Variants in HIP1 observed in about 807,000 individuals in gnomAD.
HIP1 encodes huntingtin interacting protein 1, also known as huntingtin-interacting protein 1.
HIP1 carries 65 observed loss-of-function variants against 147.6 expected under a neutral mutation model. The observed-to-expected ratio is 0.44, with a 90% CI of 0.36 to 0.54. The LOEUF (loss-of-function observed/expected upper bound fraction) is 0.54. Among genes scored for constraint, HIP1 ranks in the 20% least tolerant of loss-of-function variants. The pLI is 0.00. For synonymous variants in HIP1, 479 were observed against 504.0 expected (o/e 0.95, Z 0.67); for missense variants, 1,061 against 1,299.6 (o/e 0.82, Z 2.82).
At chr7:75,574,854 T>A (rs368375605) in intron 7 of HIP1, among the ~76,000 whole-genome samples, 24 of 152,192 alleles carry the variant, frequency 1.6e-4, no homozygotes, top group African/African-American at 4.8e-4. Flanking sequence ...CTTCATTTTT[T>A]TCCTCTTTAC....
chr7:75,660,387 C>T (rs1799274187), intron 1 of HIP1, among the ~76,000 whole-genome samples: 1 of 151,972 alleles, frequency 6.6e-6, no homozygotes, highest in South Asian at 2.1e-4. Context: ...ATTAGCTGGG[C>T]ATGGTGGTGT....
At chr7:75,722,041 C>T (rs1185270920) in intron 1 of HIP1, among the ~76,000 whole-genome samples, 2 of 152,192 alleles carry the variant, frequency 1.3e-5, no homozygotes, top group East Asian at 1.9e-4. Flanking sequence ...TGGTGGCTCA[C>T]ACCCGTAATC....
chr7:75,699,012 C>CT (rs1290591040), intron 1 of HIP1, among the ~76,000 whole-genome samples: 14 of 151,136 alleles, frequency 9.3e-5, no homozygotes, highest in Admixed American at 8.6e-4. Flanking sequence ...ACGCCTTTCA[C>CT]TTTTTTTTTC....
intron 1 of HIP1, among the ~76,000 whole-genome samples, chr7:75,637,535 G>GGTTT (rs1554509835): frequency 1.3e-5 from 1 of 79,058 alleles, no homozygotes; most frequent in Non-Finnish European, 3.0e-5. Context: ...CTGCAGAGAG[G>GGTTT]ATTTTTTTTT....
At chr7:75,631,706 T>C (rs1201480708) in intron 1 of HIP1, among the ~76,000 whole-genome samples, 1 of 152,158 alleles carries the variant, frequency 6.6e-6, no homozygotes, top group Non-Finnish European at 1.5e-5. Context: ...TATTTGGGGC[T>C]CCGGAGCAGG....
chr7:75,676,298 T>C (rs534888290), intron 1 of HIP1, among the ~76,000 whole-genome samples: 1 of 152,270 alleles, frequency 6.6e-6, no homozygotes, highest in South Asian at 2.1e-4. Flanking sequence ...TCTGGATCCA[T>C]GCAAACTTTC....
At chr7:75,548,463 CTCT>C (rs1334997588) in intron 23 of HIP1, among the ~76,000 whole-genome samples, 9 of 151,784 alleles carry the variant, frequency 5.9e-5, no homozygotes, top group African/African-American at 2.2e-4. Flanking sequence ...ATTTTGGTCT[CTCT>C]TTTTTTTTTT....
chr7:75,597,025 G>A (rs182047436), intron 2 of HIP1, among the ~76,000 whole-genome samples: 147 of 152,322 alleles, frequency 9.7e-4, no homozygotes, highest in Admixed American at 2.6e-3. Flanking sequence ...CCACTGGGCC[G>A]TTTAAAATAA....
At chr7:75,555,349 T>G in intron 19 of HIP1, 67 bp downstream of exon 19, 1 of 1,587,934 alleles carries the variant, frequency 6.3e-7, no homozygotes, top group South Asian at 1.1e-5. Context: ...TCACATGAGA[T>G]TCAACATCAA....
chr7:75,725,823 C>CTTTT (rs1554522293), intron 1 of HIP1, among the ~76,000 whole-genome samples: 1 of 88,408 alleles, frequency 1.1e-5, no homozygotes, highest in Admixed American at 1.3e-4. Context: ...ATGTGCTATG[C>CTTTT]ATTTTTTTTT....
intron 1 of HIP1, among the ~76,000 whole-genome samples, chr7:75,639,562 CGTGT>C (rs57827695): frequency 0.015 from 2,105 of 137,428 alleles, 29 homozygotes; most frequent in African/African-American, 0.032. Flanking sequence ...CGCCAGGAAG[CGTGT>C]GTGTGTGTGT....
chr7:75,657,949 G>A (rs901267208), intron 1 of HIP1, among the ~76,000 whole-genome samples: 1 of 152,012 alleles, frequency 6.6e-6, no homozygotes, highest in Non-Finnish European at 1.5e-5. Flanking sequence ...AAATTAGGAT[G>A]CTTTTGTACT....
chr7:75,730,324 C>G (rs529586102), intron 1 of HIP1, among the ~76,000 whole-genome samples: 1 of 151,548 alleles, frequency 6.6e-6, no homozygotes, highest in African/African-American at 2.4e-5. Flanking sequence ...CCTCAATTTC[C>G]TCCTCTGTAA....
At chr7:75,553,218 G>A (rs919894014) in intron 22 of HIP1, among the ~76,000 whole-genome samples, 3 of 151,624 alleles carry the variant, frequency 2.0e-5, no homozygotes, top group Admixed American at 6.6e-5. Flanking sequence ...GATTACAGGC[G>A]TGAGCCATCC....
At chr7:75,648,011 T>A (rs953648041) in intron 1 of HIP1, among the ~76,000 whole-genome samples, 6 of 152,186 alleles carry the variant, frequency 3.9e-5, no homozygotes, top group African/African-American at 1.4e-4. Context: ...TAGGCCCTCC[T>A]GTGTAGGCCA....
chr7:75,551,378 G>A (rs1235010716), intron 22 of HIP1, among the ~76,000 whole-genome samples: 1 of 150,812 alleles, frequency 6.6e-6, no homozygotes, highest in African/African-American at 2.4e-5. Context: ...ACCACAACTG[G>A]CTAATTTTGT....
chr7:75,708,643 T>C (rs1801073418), intron 1 of HIP1, among the ~76,000 whole-genome samples: 1 of 152,192 alleles, frequency 6.6e-6, no homozygotes, highest in Non-Finnish European at 1.5e-5. Context: ...TGGCACTCTG[T>C]TGAAAAATCA....
At chr7:75,730,433 G>A (rs1024405932) in intron 1 of HIP1, among the ~76,000 whole-genome samples, 7 of 150,394 alleles carry the variant, frequency 4.7e-5, no homozygotes, top group African/African-American at 1.2e-4. Context: ...TCTGCCTCCC[G>A]AGTTCAAGTG....
chr7:75,592,328 A>G, intron 3 of HIP1, 44 bp downstream of exon 3: 1 of 1,576,504 alleles, frequency 6.3e-7, no homozygotes, highest in South Asian at 1.2e-5. Context: ...CTTTCCCCAC[A>G]AGGATCCCTG....
Sources: allele counts gnomAD v4.1 joint callset (sites outside exome capture counted in the v4.1 genomes callset), GRCh38; gene constraint gnomAD v4.1.1; transcripts MANE v1.5; gene names NCBI Gene and HGNC (gene_info 2026-07-23, HGNC 2026-07-21).